PTGIS: variants seen among roughly 807,000 people sequenced by gnomAD.
PTGIS encodes prostaglandin I2 synthase.
In PTGIS, 45 loss-of-function variants were observed where a neutral mutation model predicts 50.3. That is an observed-to-expected ratio of 0.90 (90% CI 0.70 to 1.15). PTGIS has a LOEUF of 1.15. PTGIS is among the 50% of genes most tolerant of loss of function. The pLI, the probability that PTGIS is intolerant of heterozygous loss-of-function variation, is 0.00. For synonymous variants in PTGIS, 260 were observed against 267.7 expected, an observed-to-expected ratio of 0.97 and a Z score of 0.28; for missense variants, 668 against 661.3, an observed-to-expected ratio of 1.01 and a Z score of -0.11.
At chr20:49,560,755 G>A (rs538266144) in intron 1 of PTGIS, among the ~76,000 whole-genome samples, 4 of 152,254 alleles carry the variant, frequency 2.6e-5, no homozygotes, top group African/African-American at 4.8e-5. Context: ...TGAGGTTTTC[G>A]AGACAGCAGG....
chr20:49,527,418 C>G lies in PTGIS; in HGVS notation c.674-3179G>C, dbSNP rs374989314. On this transcript the variant is annotated intron_variant, in intron 5 of 9. Coordinates refer to ENST00000244043, the MANE Select transcript of PTGIS (RefSeq NM_000961.4). ...ATTGTAGTGAGCTGAGATGGCGACA[C>G]TGCACTCCAGCCTGGGCGACAGAGA... 7.2e-5 allele frequency among the ~76,000 whole-genome samples: 11 copies of G among 152,248 alleles called. No homozygotes were observed. The East Asian group carries it at 2.1e-3, about 29-fold the overall frequency.
Position 49,514,335 on chromosome 20 carries a change from G to C in PTGIS, c.916C>G (p.Leu306Val). 6.2e-7 allele frequency: 1 copy of C among 1,614,114 alleles called. No homozygotes were observed. Among genetic ancestry groups the C allele is most frequent in the Non-Finnish European group, 8.5e-7 (1 of 1,180,032 alleles). ...LLFLLKNPEA[L>V]AAVRGELESI... ...TCGAGCTCTCCGCGGACAGCAGCCAGGGCTTCAGGATTCTTGAGAAGGAAG... is the reference window on the plus strand; with the variant it reads ...TCGAGCTCTCCGCGGACAGCAGCCACGGCTTCAGGATTCTTGAGAAGGAAG... Residue 306 changes from leucine (L) to valine (V), a missense_variant, in exon 7 of 10, where the codon CTG becomes GTG. Leu to Val is a conservative substitution (Grantham distance 32, BLOSUM62 1). Transcript: ENST00000244043.
At position 49,539,572 on chromosome 20, in the gene PTGIS, A is replaced by C. The variant is rs1982168961; in HGVS notation, c.671T>G (p.Val224Gly). The stretch of plus-strand genomic sequence containing the variant: ...ACTGGGGCCCCCATGGTGCTTACCC[A>C]CTGACAGGGAGCCACGGGCCAGTTT... The part of the protein sequence containing the change: ...LPKLARGSLS[V>G]GDKDHMCSVK... Residue 224 changes from valine to glycine, a missense_variant and splice_region_variant, in exon 5 of 10, where the codon GTG (valine) becomes GGG (glycine). Physicochemically the swap from Val to Gly is moderately radical, Grantham distance 109. Transcript: ENST00000244043. 1.9e-6 allele frequency: 3 copies of C among 1,613,494 alleles called. No individual in the cohort carries two copies. Among genetic ancestry groups the C allele is most frequent in the Non-Finnish European group, 2.5e-6 (3 of 1,179,844 alleles).
intron 1 of PTGIS, among the ~76,000 whole-genome samples, chr20:49,562,579 T>G (rs1246473385): frequency 6.6e-6 from 1 of 152,024 alleles, no homozygotes; most frequent in Non-Finnish European, 1.5e-5. Flanking sequence ...ACACTCTCAC[T>G]TTTTTTTAGG....
chr20:49,514,982 G>A (rs951937475), intron 6 of PTGIS, among the ~76,000 whole-genome samples: 1 of 152,198 alleles, frequency 6.6e-6, no homozygotes, highest in African/African-American at 2.4e-5. Context: ...GAGGATGAGA[G>A]ACTCATGGAC....
At chr20:49,566,951 C>T (rs901980091) in intron 1 of PTGIS, among the ~76,000 whole-genome samples, 1 of 152,114 alleles carries the variant, frequency 6.6e-6, no homozygotes, top group Non-Finnish European at 1.5e-5. Flanking sequence ...ATAGGGAAAA[C>T]GGGGTGAGAG....
chr20:49,517,707 G>A (rs1309026041), intron 6 of PTGIS, among the ~76,000 whole-genome samples: 1 of 152,164 alleles, frequency 6.6e-6, no homozygotes, highest in Non-Finnish European at 1.5e-5. Context: ...CACACCCTTG[G>A]TGATTCACAT....
rs761573419 is a variant in PTGIS, at chr20:49,513,116, G to A, written c.1170C>T (p.Ser390=). 6 of 1,608,244 alleles carry A rather than the reference G, an allele frequency of 3.7e-6. No homozygotes were observed. The East Asian group carries it at 6.7e-5, about 18-fold the overall frequency. Residue 390 remains serine, a synonymous_variant, in exon 8 of 10, where the codon AGC becomes AGT. Coordinates refer to ENST00000244043, the MANE Select transcript of PTGIS (RefSeq NM_000961.4). ...TGTAGATTTCTGGGTCTCTCTGGGG[G>A]CTCAGGAAGGGGAAGAGGAGGAGGC... ...GDRLLLFPFL[S]PQRDPEIYTD...
rs1377032236 is a variant in PTGIS, at chr20:49,548,039, A to G, written c.199-20T>C. 1.2e-6 allele frequency: 2 copies of G among 1,612,048 alleles called. No individual in the cohort carries two copies. The highest frequency in any genetic ancestry group is 4.5e-5 in the East Asian group (2 of 44,868). On this transcript the variant is annotated intron_variant, in intron 2 of 9. Transcript: ENST00000244043. ...CAGTATCTGTGGGAAGTTGCCAGGG[A>G]TAGAGTGAGGAGTGTCACTGTGAAC...
At chr20:49,542,318 C>T (rs1470982573) in intron 4 of PTGIS, among the ~76,000 whole-genome samples, 2 of 152,194 alleles carry the variant, frequency 1.3e-5, no homozygotes, top group Non-Finnish European at 2.9e-5. Context: ...ATCCAACTGG[C>T]CCATTCTCTT....
At chr20:49,508,425 C>T (rs772815342) in intron 9 of PTGIS, among the ~76,000 whole-genome samples, 22 of 152,158 alleles carry the variant, frequency 1.4e-4, no homozygotes, top group Admixed American at 2.6e-4. Flanking sequence ...GAGCCTGGCC[C>T]GAGTCTGTGC....
At chr20:49,551,035 C>T (rs1006494337) in intron 1 of PTGIS, among the ~76,000 whole-genome samples, 1 of 152,118 alleles carries the variant, frequency 6.6e-6, no homozygotes, top group African/African-American at 2.4e-5. Flanking sequence ...GAAACGTCAT[C>T]TCTACTGAAA....
In PTGIS at chr20:49,504,150, G is replaced by A. The variant is rs1300100897; in HGVS notation, c.*3770C>T. The stretch of plus-strand genomic sequence containing the variant: ...GAGGAGATGGCCCTGGTCGCCCATG[G>A]GATGAGAAACTTACTCCTGCTTCTG... On this transcript the variant is annotated 3_prime_UTR_variant, in exon 10 of 10. Transcript: ENST00000244043. 1.3e-5 allele frequency: 2 copies of A among 152,212 alleles called. No homozygotes were observed. The highest frequency in any genetic ancestry group is 2.4e-5 in the African/African-American group (1 of 41,460). 9.4% of individuals were successfully genotyped at this position (152,212 alleles called of 1,614,324 possible).
Position 49,524,159 on chromosome 20 carries a change from G to T in PTGIS, c.754C>A (p.Arg252=). 4 of 1,614,166 alleles carry T rather than the reference G, an allele frequency of 2.5e-6. No homozygotes were observed. The highest frequency in any genetic ancestry group is 2.5e-6 in the Non-Finnish European group (3 of 1,180,032). ...AGGTAACTCTCCAGCCATTTGCTCC[G>T]GTGGGCCCGCCTGGCCAGCCTGGCT... The part of the protein sequence containing the change: ...SPARLARRAH[R]SKWLESYLLH... Residue 252 remains arginine (R), a synonymous_variant, in exon 6 of 10, where the codon CGG becomes AGG. Coordinates refer to ENST00000244043, the MANE Select transcript of PTGIS (RefSeq NM_000961.4).
intron 8 of PTGIS, 93 bp downstream of exon 8, chr20:49,512,987 G>A (rs1981363355): frequency 1.3e-6 from 2 of 1,484,304 alleles, no homozygotes; most frequent in Non-Finnish European, 9.3e-7. Context: ...CAAACAAAGA[G>A]CAGAGCCAGG....
At chr20:49,515,507 T>C (rs1426291609) in intron 6 of PTGIS, among the ~76,000 whole-genome samples, 1 of 152,230 alleles carries the variant, frequency 6.6e-6, no homozygotes, top group African/African-American at 2.4e-5. Flanking sequence ...GCCGTGACTA[T>C]TCTATTCAAT....
At chr20:49,527,279 T>C (rs1341464274) in intron 5 of PTGIS, among the ~76,000 whole-genome samples, 7 of 131,214 alleles carry the variant, frequency 5.3e-5, no homozygotes, top group Non-Finnish European at 9.5e-5. Context: ...ACCCTGTCTC[T>C]ACTAAAATAC....
intron 6 of PTGIS, among the ~76,000 whole-genome samples, chr20:49,518,617 T>A (rs1981558498): frequency 6.6e-6 from 1 of 151,806 alleles, no homozygotes; most frequent in Non-Finnish European, 1.5e-5. Context: ...TGCAACTCTT[T>A]TATAATCTAA....
rs1420736681 is a variant in PTGIS, at chr20:49,506,215, C to A, written c.*1705G>T. On this transcript the variant is annotated 3_prime_UTR_variant, in exon 10 of 10. Transcript: ENST00000244043. ...TTCTCATCTATGAAGTGGGCACAAC[C>A]CTCCTTCTCTTCATAGAGATGCTGT... 2 of 152,318 alleles carry A rather than the reference C, an allele frequency of 1.3e-5. No homozygotes were observed. Among genetic ancestry groups the A allele is most frequent in the South Asian group, 2.1e-4 (1 of 4,830 alleles). The allele number at this position is 152,318 out of a possible 1,614,324, so 9.4% of individuals were successfully genotyped here. A position where few individuals can be genotyped will look rare whatever the true frequency, so the allele number is the denominator to read the frequency against.
Sources: allele counts gnomAD v4.1 joint callset (sites outside exome capture counted in the v4.1 genomes callset), GRCh38; gene constraint gnomAD v4.1.1; transcripts MANE v1.5; gene names NCBI Gene and HGNC (gene_info 2026-07-23, HGNC 2026-07-21).